The following RBL2 variants were observed in gnomAD, a reference collection of about 807,000 sequenced individuals.
RBL2 encodes RB transcriptional corepressor like 2.
Under a neutral mutation model 126.0 loss-of-function variants are expected in RBL2, and 56 were observed. The observed-to-expected ratio is 0.44, with a 90% CI of 0.36 to 0.56. The LOEUF is 0.56. Ranked by LOEUF, RBL2 falls within the 20% of genes least tolerant of loss-of-function variation. The probability of loss-of-function intolerance (pLI) is 0.00; values close to 1 mark genes in which losing one functional copy is unlikely to be tolerated. For synonymous variants in RBL2, 454 were observed against 478.5 expected (o/e 0.95, Z 0.67); for missense variants, 1,229 against 1,398.2 (o/e 0.88, Z 1.93).
chr16:53,440,196 C>T (rs9927982), intron 2 of RBL2, among the ~76,000 whole-genome samples: 71,726 of 151,632 alleles, frequency 0.47, 17,565 homozygotes, highest in Middle Eastern at 0.62. Context: ...CTCAGGAAGC[C>T]GAGTCAGGAA....
Position 53,464,379 on chromosome 16 carries a change from T to C in RBL2, c.1698+16T>C, listed in dbSNP as rs201121446. 8.5e-5 allele frequency: 132 copies of C among 1,544,894 alleles called. 2 individuals carry two copies. In the East Asian group the frequency reaches 2.1e-3, roughly 25 times the overall value. Reference sequence around the variant, plus strand: ...TTTTTATAAGGTATTTTTAAAAATATGATACTAATGGGGATATTGTAGATG... The same window carrying C: ...TTTTTATAAGGTATTTTTAAAAATACGATACTAATGGGGATATTGTAGATG... On this transcript the variant is annotated intron_variant, in intron 12 of 21. Coordinates refer to ENST00000262133, the MANE Select transcript of RBL2 (RefSeq NM_005611.4).
chr16:53,450,843 T>C (rs1191153352), intron 4 of RBL2, among the ~76,000 whole-genome samples: 2 of 152,074 alleles, frequency 1.3e-5, no homozygotes, highest in Admixed American at 6.6e-5. Context: ...TTTAAAAATA[T>C]GTGTATGAGA....
intron 17 of RBL2, among the ~76,000 whole-genome samples, chr16:53,475,813 T>C (rs201157671): frequency 2.0e-5 from 3 of 149,984 alleles, no homozygotes; most frequent in Admixed American, 6.6e-5. Context: ...TTTTAAAAGA[T>C]ACCTTTCTAA....
At chr16:53,460,804 C>G (rs1157548538) in intron 9 of RBL2, among the ~76,000 whole-genome samples, 1 of 152,044 alleles carries the variant, frequency 6.6e-6, no homozygotes, top group African/African-American at 2.4e-5. Flanking sequence ...TTTAAACTTG[C>G]TTCATTTTCA....
intron 20 of RBL2, chr16:53,481,036 G>A: frequency 3.5e-6 from 1 of 288,946 alleles, no homozygotes; most frequent in Non-Finnish European, 6.6e-6. Context: ...GCACACACTT[G>A]TAATCCCAGC....
intron 21 of RBL2, among the ~76,000 whole-genome samples, chr16:53,485,165 T>C (rs946851285): frequency 2.2e-4 from 34 of 152,198 alleles, no homozygotes; most frequent in African/African-American, 8.0e-4. Flanking sequence ...CAACATAGAC[T>C]ACATTCTGGA....
At position 53,491,539 on chromosome 16, in the gene RBL2, G is replaced by A. The variant is rs1961456519; in HGVS notation, c.*1239G>A. The A allele has an allele frequency of 6.6e-6, 1 of 152,486 alleles. No individual in the cohort carries two copies. The highest frequency in any genetic ancestry group is 2.4e-5 in the African/African-American group (1 of 41,394). 9.4% of individuals were successfully genotyped at this position (152,486 alleles called of 1,614,324 possible). A position where few individuals can be genotyped will look rare whatever the true frequency, so the allele number is the denominator to read the frequency against. On this transcript the variant is annotated 3_prime_UTR_variant, in exon 22 of 22. Transcript: ENST00000262133. Reference sequence around the variant, plus strand: ...CTGAGAGAAATATGGAACTTACATTGTTCAATTAGAATAGTGTTCTGCAAA... The same window carrying A: ...CTGAGAGAAATATGGAACTTACATTATTCAATTAGAATAGTGTTCTGCAAA...
In RBL2 at chr16:53,479,978, AAAC is replaced by A; in HGVS notation, c.2871_2873del (p.Asn957del). 1 of 1,597,794 alleles carries A rather than the reference AAAC, an allele frequency of 6.3e-7. No homozygotes were observed. Among genetic ancestry groups the A allele is most frequent in the South Asian group, 1.1e-5 (1 of 88,996 alleles). On this transcript the variant is annotated inframe_deletion, in exon 19 of 22. Transcript: ENST00000262133. ...GCCATCAGAATTCTCCAACAGAACT[AAAC>A]AAAGATAGAAGTAAGTGGGATCTTT... is the stretch of plus-strand genomic sequence containing the variant.
chr16:53,490,608 C>T lies in RBL2; in HGVS notation c.*308C>T, dbSNP rs147463162. ...TGCAAGAAAATGATGTGTACCCAAA[C>T]GTGAGCATAGGAGGCTTCTGTTGAC... On this transcript the variant is annotated 3_prime_UTR_variant, in exon 22 of 22. Transcript: ENST00000262133. The T allele has an allele frequency of 4.2e-4, 98 of 232,044 alleles. No homozygotes were observed. Among genetic ancestry groups the T allele is most frequent in the African/African-American group, 2.1e-3 (92 of 44,586 alleles). The allele number at this position is 232,044 out of a possible 1,614,324, so 14.4% of individuals were successfully genotyped here. A position where few individuals can be genotyped will look rare whatever the true frequency, so the allele number is the denominator to read the frequency against.
At chr16:53,452,867 G>A (rs78574921) in intron 5 of RBL2, among the ~76,000 whole-genome samples, 251 of 151,884 alleles carry the variant, frequency 1.7e-3, no homozygotes, top group African/African-American at 5.8e-3. Flanking sequence ...ATGAGGTTTC[G>A]CCATGTTTCC....
intron 21 of RBL2, among the ~76,000 whole-genome samples, chr16:53,486,134 A>G (rs1258028743): frequency 6.7e-6 from 1 of 150,360 alleles, no homozygotes; most frequent in East Asian, 2.0e-4. Flanking sequence ...TGAAAAAAAA[A>G]AAAAAAAAAA....
intron 9 of RBL2, among the ~76,000 whole-genome samples, chr16:53,459,882 CA>C (rs988496874): frequency 1.4e-5 from 2 of 144,086 alleles, no homozygotes; most frequent in African/African-American, 5.2e-5. Flanking sequence ...GTCTTATTGC[CA>C]ACTGTTCTTT....
intron 8 of RBL2, among the ~76,000 whole-genome samples, 160 bp downstream of exon 8, chr16:53,455,002 T>C (rs1295247538): frequency 1.3e-5 from 2 of 152,202 alleles, no homozygotes; most frequent in Non-Finnish European, 2.9e-5. Context: ...CTCTATGATA[T>C]TTGCTTTGTT....
At chr16:53,454,070 G>A (rs1336193113) in intron 7 of RBL2, among the ~76,000 whole-genome samples, 1 of 152,214 alleles carries the variant, frequency 6.6e-6, no homozygotes, top group African/African-American at 2.4e-5. Context: ...GGTGCCTAGA[G>A]CAGCTAGACA....
chr16:53,434,788 A>C lies in RBL2; in HGVS notation c.232A>C (p.Thr78Pro), dbSNP rs1385720622. ...CTACCGCAGCATGAGCGAAAGCTACACGCTGGAGGTGCGCTCGCGGGCGGA... is the reference window on the plus strand; with the variant it reads ...CTACCGCAGCATGAGCGAAAGCTACCCGCTGGAGGTGCGCTCGCGGGCGGA... The part of the protein sequence containing the change: ...DSYRSMSESY[T>P]LEGNDLHWLA... Residue 78 changes from threonine to proline, a missense_variant, in exon 1 of 22, where the codon ACG becomes CCG. Coordinates refer to ENST00000262133, the MANE Select transcript of RBL2 (RefSeq NM_005611.4). 1 of 1,499,320 alleles carries C rather than the reference A, an allele frequency of 6.7e-7. No homozygotes were observed. Among genetic ancestry groups the C allele is most frequent in the Non-Finnish European group, 8.9e-7 (1 of 1,123,656 alleles). 92.9% of individuals were successfully genotyped at this position (1,499,320 alleles called of 1,614,324 possible).
rs1389205499 is a variant in RBL2 at position 53,464,257 on chromosome 16, C to T, written c.1592C>T (p.Ser531Phe). The T allele has an allele frequency of 1.3e-6, 2 of 1,595,382 alleles. No individual in the cohort carries two copies. Among genetic ancestry groups the T allele is most frequent in the Admixed American group, 1.7e-5 (1 of 57,488 alleles). Residue 531 changes from serine (S) to phenylalanine (F), a missense_variant, in exon 12 of 22, where the codon TCT becomes TTT. Coordinates refer to ENST00000262133, the MANE Select transcript of RBL2 (RefSeq NM_005611.4). ...CTGGAACAAGATGCGTTCCACAGAT[C>T]TCTCTTGGCCTGCTGCCTTGAGGTC... is the stretch of plus-strand genomic sequence containing the variant. ...GILEQDAFHR[S>F]LLACCLEVVT...
intron 1 of RBL2, chr16:53,435,466 G>C: frequency 1.8e-6 from 1 of 541,316 alleles, no homozygotes. Flanking sequence ...CATTGCACAG[G>C]ACTCCTGTTG....
intron 21 of RBL2, chr16:53,487,467 C>T (rs1183992664): frequency 6.6e-6 from 1 of 152,314 alleles, no homozygotes; most frequent in East Asian, 1.9e-4. Flanking sequence ...ACAGATGGTG[C>T]TGGAACAATT....
intron 19 of RBL2, 113 bp downstream of exon 19, chr16:53,480,104 G>A: frequency 1.4e-6 from 1 of 713,614 alleles, no homozygotes. Context: ...AACTATGAAA[G>A]TGTTTTATAG....
Sources: gnomAD v4.1 joint callset for allele counts (sites outside exome capture counted in the v4.1 genomes callset) on GRCh38, gnomAD v4.1.1 for gene constraint, MANE v1.5 for transcripts, NCBI Gene and HGNC (gene_info 2026-07-23, HGNC 2026-07-21) for gene names.